ST6GALNAC3: variants seen among roughly 807,000 people sequenced by gnomAD.
The protein encoded by ST6GALNAC3 is ST6 N-acetylgalactosaminide alpha-2,6-sialyltransferase 3.
Under a neutral mutation model 32.7 loss-of-function variants are expected in ST6GALNAC3, and 25 were observed. The observed-to-expected ratio is 0.76, with a 90% CI of 0.56 to 1.07. The LOEUF (loss-of-function observed/expected upper bound fraction) is 1.07. Ranked by LOEUF, ST6GALNAC3 falls within the 50% of genes least tolerant of loss-of-function variation. The probability of loss-of-function intolerance (pLI) is 0.00; values close to 1 mark genes in which losing one functional copy is unlikely to be tolerated. For synonymous variants in ST6GALNAC3, 129 were observed against 133.1 expected, an observed-to-expected ratio of 0.97 and a Z score of 0.21; for missense variants, 355 against 382.4, an observed-to-expected ratio of 0.93 and a Z score of 0.60.
At chr1:76,314,030 G>A in intron 2 of ST6GALNAC3, 31 bp downstream of exon 2, 1 of 1,594,242 alleles carries the variant, frequency 6.3e-7, no homozygotes, top group Non-Finnish European at 8.5e-7. Flanking sequence ...CTAGCAGTTG[G>A]AGAGTATCCA....
chr1:76,607,302 G>A (rs1168621520), intron 3 of ST6GALNAC3, among the ~76,000 whole-genome samples: 5 of 152,134 alleles, frequency 3.3e-5, no homozygotes, highest in Non-Finnish European at 7.4e-5. Context: ...CCATTGTTTA[G>A]AGGTTTTATG....
intron 3 of ST6GALNAC3, among the ~76,000 whole-genome samples, chr1:76,487,660 G>T (rs906014695): frequency 1.3e-5 from 2 of 152,088 alleles, no homozygotes; most frequent in Non-Finnish European, 1.5e-5. Context: ...GCTTCTTTGA[G>T]ATGGGTTCGA....
chr1:76,402,222 A>G (rs1328841162), intron 2 of ST6GALNAC3, among the ~76,000 whole-genome samples: 1 of 152,146 alleles, frequency 6.6e-6, no homozygotes, highest in African/African-American at 2.4e-5. Flanking sequence ...CCTGGAGCCT[A>G]TCCCATTTGC....
chr1:76,222,939 T>C (rs1380792734), intron 1 of ST6GALNAC3, among the ~76,000 whole-genome samples: 1 of 152,182 alleles, frequency 6.6e-6, no homozygotes, highest in African/African-American at 2.4e-5. Context: ...GGAACACTTA[T>C]ACATTGTTTG....
intron 1 of ST6GALNAC3, among the ~76,000 whole-genome samples, chr1:76,162,526 C>T (rs962772778): frequency 1.3e-5 from 2 of 152,080 alleles, no homozygotes; most frequent in Admixed American, 1.3e-4. Flanking sequence ...GTTTCTTCAC[C>T]GTATAATGGG....
intron 3 of ST6GALNAC3, among the ~76,000 whole-genome samples, chr1:76,459,600 G>T (rs1375403107): frequency 6.6e-6 from 1 of 151,914 alleles, no homozygotes; most frequent in Non-Finnish European, 1.5e-5. Flanking sequence ...ACTATGGGCT[G>T]TTGAGGGAGT....
chr1:76,437,582 C>CTTT (rs11298028), intron 3 of ST6GALNAC3, among the ~76,000 whole-genome samples: 1 of 137,648 alleles, frequency 7.3e-6, no homozygotes, highest in Admixed American at 7.3e-5. Flanking sequence ...TTTTTTTTCT[C>CTTT]TTTTTTTTTT....
chr1:76,157,280 C>G (rs1651515847), intron 1 of ST6GALNAC3, among the ~76,000 whole-genome samples: 1 of 152,228 alleles, frequency 6.6e-6, no homozygotes, highest in South Asian at 2.1e-4. Flanking sequence ...ATGTCTCCAG[C>G]TCTAAGCCAT....
At chr1:76,520,663 T>A (rs532786196) in intron 3 of ST6GALNAC3, among the ~76,000 whole-genome samples, 7 of 152,308 alleles carry the variant, frequency 4.6e-5, no homozygotes, top group Admixed American at 2.0e-4. Flanking sequence ...GGCTAAGTTT[T>A]TTTTTTAATT....
intron 1 of ST6GALNAC3, among the ~76,000 whole-genome samples, chr1:76,162,734 T>C (rs989400705): frequency 2.0e-5 from 3 of 152,156 alleles, no homozygotes; most frequent in African/African-American, 7.2e-5. Context: ...AAAGTAAATA[T>C]TTACAAATAA....
chr1:76,487,840 TC>T (rs1660227867), intron 3 of ST6GALNAC3, among the ~76,000 whole-genome samples: 1 of 152,170 alleles, frequency 6.6e-6, no homozygotes, highest in Non-Finnish European at 1.5e-5. Flanking sequence ...GCTCTGTTTT[TC>T]CCCCATCTTT....
At chr1:76,500,049 C>T (rs1571430517) in intron 3 of ST6GALNAC3, among the ~76,000 whole-genome samples, 1 of 151,824 alleles carries the variant, frequency 6.6e-6, no homozygotes, top group Non-Finnish European at 1.5e-5. Flanking sequence ...AAAAAAAAAG[C>T]CTTTGGCCAA....
At chr1:76,546,231 G>A (rs925851365) in intron 3 of ST6GALNAC3, among the ~76,000 whole-genome samples, 4 of 152,104 alleles carry the variant, frequency 2.6e-5, no homozygotes, top group Non-Finnish European at 4.4e-5. Context: ...CCCTCTTACA[G>A]CACCTAGCAT....
chr1:76,113,101 C>G (rs1298209386), intron 1 of ST6GALNAC3, among the ~76,000 whole-genome samples: 1 of 151,806 alleles, frequency 6.6e-6, no homozygotes, highest in Non-Finnish European at 1.5e-5. Context: ...CTCGGGAGGC[C>G]GAGGCTGGCG....
chr1:76,195,188 T>TA (rs1401015642), intron 1 of ST6GALNAC3, among the ~76,000 whole-genome samples: 1 of 152,214 alleles, frequency 6.6e-6, no homozygotes, highest in African/African-American at 2.4e-5. Context: ...TTGTTTTTCT[T>TA]AAAGTGTTAA....
chr1:76,124,532 T>G (rs1649116878), intron 1 of ST6GALNAC3, among the ~76,000 whole-genome samples: 1 of 152,166 alleles, frequency 6.6e-6, no homozygotes, highest in Admixed American at 6.5e-5. Context: ...CTGTATTGAC[T>G]TATTCCTAAC....
intron 1 of ST6GALNAC3, among the ~76,000 whole-genome samples, chr1:76,123,208 C>T (rs1649002115): frequency 6.6e-6 from 1 of 151,954 alleles, no homozygotes; most frequent in African/African-American, 2.4e-5. Context: ...CCCGTCTCTA[C>T]TAAAAATACA....
In ST6GALNAC3 at chr1:76,412,288, G is replaced by T. The variant is rs1654305786; in HGVS notation, c.494G>T (p.Gly165Val). The T allele has an allele frequency of 6.2e-7, 1 of 1,613,374 alleles. No homozygotes were observed. Among genetic ancestry groups the T allele is most frequent in the South Asian group, 1.1e-5 (1 of 91,038 alleles). The change falls in exon 3 of 5, where the codon GGC becomes GTC. Residue 165 changes from glycine (G) to valine (V), a missense_variant. Transcript: ENST00000328299. ...WGPFRNMRKD[G>V]NGIVYNMLKK... ...CCTTTCCGCAATATGAGGAAAGATG[G>T]CAATGGCATCGTTTACAACATGTTG...
chr1:76,618,188 G>A (rs1239309094), intron 3 of ST6GALNAC3, among the ~76,000 whole-genome samples: 1 of 152,162 alleles, frequency 6.6e-6, no homozygotes, highest in Non-Finnish European at 1.5e-5. Context: ...ACTGTAGCCT[G>A]GGAAGAAGTG....
Sources: allele counts gnomAD v4.1 joint callset (sites outside exome capture counted in the v4.1 genomes callset), GRCh38; gene constraint gnomAD v4.1.1; transcripts MANE v1.5; gene names NCBI Gene and HGNC (gene_info 2026-07-23, HGNC 2026-07-21).